HIBADH: variants seen among roughly 807,000 people sequenced by gnomAD.
The protein encoded by HIBADH is 3-hydroxyisobutyrate dehydrogenase.
A neutral mutation model predicts 36.1 loss-of-function variants in HIBADH; 25 were observed. That is an observed-to-expected ratio of 0.69 (90% CI 0.50 to 0.97). The LOEUF (loss-of-function observed/expected upper bound fraction) is 0.97. HIBADH is among the 50% of genes least tolerant of loss of function. The pLI is 0.00. For missense variants in HIBADH, 421 were observed against 418.0 expected, an observed-to-expected ratio of 1.01 and a Z score of -0.06; for synonymous variants, 160 against 149.5, an observed-to-expected ratio of 1.07 and a Z score of -0.51.
chr7:27,585,234 CACACACGTGTGCATATAT>C (rs1784841772), intron 4 of HIBADH, among the ~76,000 whole-genome samples: 1 of 149,290 alleles, frequency 6.7e-6, no homozygotes, highest in African/African-American at 2.5e-5. Flanking sequence ...TTTGCATGTG[CACACACGTGTGCATATAT>C]ACACACGTGT....
At chr7:27,628,322 A>T (rs1251482981) in intron 4 of HIBADH, among the ~76,000 whole-genome samples, 3 of 152,146 alleles carry the variant, frequency 2.0e-5, no homozygotes. Context: ...TTATAAAAAA[A>T]TACGAAATGA....
At chr7:27,542,203 T>C (rs1784161175) in intron 5 of HIBADH, among the ~76,000 whole-genome samples, 1 of 152,026 alleles carries the variant, frequency 6.6e-6, no homozygotes, top group Non-Finnish European at 1.5e-5. Flanking sequence ...TTTTTCAAAC[T>C]GTCACAAATC....
intron 5 of HIBADH, among the ~76,000 whole-genome samples, chr7:27,540,081 A>C (rs1342913788): frequency 2.0e-5 from 3 of 152,116 alleles, no homozygotes; most frequent in Non-Finnish European, 4.4e-5. Flanking sequence ...GGATAACTTT[A>C]TGGAAATTGT....
chr7:27,532,358 TA>T, intron 6 of HIBADH, among the ~76,000 whole-genome samples: 1 of 151,956 alleles, frequency 6.6e-6, no homozygotes, highest in Admixed American at 6.6e-5. Context: ...TTCCAGAAAA[TA>T]AAAAAAACAC....
At chr7:27,659,339 T>C (rs1786370535) in intron 1 of HIBADH, among the ~76,000 whole-genome samples, 1 of 152,258 alleles carries the variant, frequency 6.6e-6, no homozygotes, top group Admixed American at 6.5e-5. Flanking sequence ...ATACACAATT[T>C]TATCAAACAG....
At position 27,567,544 on chromosome 7, in the gene HIBADH, T is replaced by C. The variant is rs1784565217; in HGVS notation, c.485-24444A>G. On this transcript the variant is annotated intron_variant, in intron 4 of 7. Transcript: ENST00000265395. ...ATTTTCTGCTTGTCCACTATGTTTT[T>C]AGTTCCTCTCTTTCTCCTTTCCCAC... Among the ~76,000 whole-genome samples, 3 of 152,308 alleles carry C rather than the reference T, an allele frequency of 2.0e-5. 1 individual carries two copies. The South Asian group carries it at 6.2e-4, about 32-fold the overall frequency.
At chr7:27,648,581 C>G (rs1786119268) in intron 2 of HIBADH, among the ~76,000 whole-genome samples, 1 of 152,018 alleles carries the variant, frequency 6.6e-6, no homozygotes, top group African/African-American at 2.4e-5. Context: ...ATTCTCTGTT[C>G]TGGGATCACA....
intron 7 of HIBADH, among the ~76,000 whole-genome samples, chr7:27,528,655 C>T (rs1783948621): frequency 1.3e-5 from 2 of 152,174 alleles, no homozygotes; most frequent in South Asian, 4.1e-4. Context: ...GTGATTAGTT[C>T]ATGAGGTTTA....
chr7:27,605,349 A>C (rs1785200149), intron 4 of HIBADH, among the ~76,000 whole-genome samples: 1 of 152,032 alleles, frequency 6.6e-6, no homozygotes, highest in African/African-American at 2.4e-5. Flanking sequence ...CATGAACATG[A>C]ACTGCCTAAT....
chr7:27,538,819 A>G (rs1280078131), intron 5 of HIBADH, among the ~76,000 whole-genome samples: 1 of 152,172 alleles, frequency 6.6e-6, no homozygotes, highest in African/African-American at 2.4e-5. Context: ...AGGAGTTCAG[A>G]GCAACAAGAC....
intron 1 of HIBADH, among the ~76,000 whole-genome samples, chr7:27,659,480 T>G (rs1456194272): frequency 6.6e-6 from 1 of 151,934 alleles, no homozygotes; most frequent in African/African-American, 2.4e-5. Context: ...TTTGGGAGGC[T>G]GAGGCAGGAG....
rs897372878 is a variant in HIBADH at position 27,594,149 on chromosome 7, T to G, written c.484+35222A>C. 2.2e-4 allele frequency among the ~76,000 whole-genome samples: 33 copies of G among 150,106 alleles called. 2 individuals carry two copies. The highest frequency in any genetic ancestry group is 7.0e-4 in the African/African-American group (29 of 41,136). ...TGTTACATAAAGATGTTTTTGTTTT[T>G]TTGTTTTTTTTCTGAAACAGAGTTT... On this transcript the variant is annotated intron_variant, in intron 4 of 7. Coordinates refer to ENST00000265395, the MANE Select transcript of HIBADH (RefSeq NM_152740.4).
At chr7:27,535,712 AGG>A (rs1253159179) in intron 6 of HIBADH, among the ~76,000 whole-genome samples, 2 of 152,112 alleles carry the variant, frequency 1.3e-5, no homozygotes, top group Non-Finnish European at 2.9e-5. Flanking sequence ...CTAATAAAAA[AGG>A]AATCTCAAAA....
intron 4 of HIBADH, among the ~76,000 whole-genome samples, chr7:27,557,552 C>G (rs1369979070): frequency 6.6e-6 from 1 of 152,118 alleles, no homozygotes; most frequent in Non-Finnish European, 1.5e-5. Flanking sequence ...AGTCCAAGAT[C>G]AAGGCACCAA....
chr7:27,632,370 T>C lies in HIBADH; in HGVS notation c.328A>G (p.Ile110Val), dbSNP rs1785762483. The C allele has an allele frequency of 5.0e-6, 8 of 1,612,988 alleles. No homozygotes were observed. The highest frequency in any genetic ancestry group is 1.1e-5 in the South Asian group (1 of 91,060). Residue 110 changes from isoleucine (I) to valine (V), a missense_variant, in exon 3 of 8, where the codon ATA becomes GTA. Ile to Val is a conservative substitution (Grantham distance 29). Coordinates refer to ENST00000265395, the MANE Select transcript of HIBADH (RefSeq NM_152740.4). ...CCATTTGCTCCGGAATAAGCTTCTA[T>C]TGCATTGATACTGGTGGGCAGCATT... ...ITMLPTSINA[I>V]EAYSGANGIL...
intron 2 of HIBADH, among the ~76,000 whole-genome samples, chr7:27,634,410 T>C (rs969097325): frequency 3.3e-5 from 5 of 152,100 alleles, no homozygotes; most frequent in Admixed American, 6.5e-5. Context: ...TTCATAAATA[T>C]TGAGACTCTA....
chr7:27,564,269 T>G (rs111883593), intron 4 of HIBADH, among the ~76,000 whole-genome samples: 8 of 152,324 alleles, frequency 5.3e-5, no homozygotes, highest in African/African-American at 1.9e-4. Flanking sequence ...ATCACAGAAT[T>G]TTTTCCAAAC....
At chr7:27,599,056 C>A (rs1785079233) in intron 4 of HIBADH, among the ~76,000 whole-genome samples, 1 of 151,464 alleles carries the variant, frequency 6.6e-6, no homozygotes, top group Non-Finnish European at 1.5e-5. Flanking sequence ...TGCAGAACAT[C>A]TTACAATGAT....
intron 1 of HIBADH, among the ~76,000 whole-genome samples, chr7:27,653,510 C>T (rs770471478): frequency 4.6e-5 from 7 of 151,970 alleles, no homozygotes; most frequent in East Asian, 1.9e-4. Flanking sequence ...CCGAGACGGG[C>T]GGATCACGAG....
Sources: allele counts gnomAD v4.1 joint callset (sites outside exome capture counted in the v4.1 genomes callset), GRCh38; gene constraint gnomAD v4.1.1; transcripts MANE v1.5; gene names NCBI Gene and HGNC (gene_info 2026-07-23, HGNC 2026-07-21).